Variants in ZNF469 observed in about 807,000 individuals in gnomAD.
ZNF469 encodes the protein zinc finger protein 469.
In ZNF469, 1 loss-of-function variant was observed where a neutral mutation model predicts 1.0. The ratio of observed to expected loss-of-function variants is 1.00; its 90% CI spans 0.35 to 4.73. The LOEUF is 4.73. Ranked by LOEUF, ZNF469 falls within the 30% of genes most tolerant of loss-of-function variation. ZNF469 has a pLI of 0.16. For synonymous variants in ZNF469, 2,703 were observed against 2,363.4 expected (o/e 1.14, Z -4.17); for missense variants, 6,100 against 5,356.3 (o/e 1.14, Z -4.33).
the ZNF469 span, among the ~76,000 whole-genome samples, chr16:88,292,057 G>A: frequency 1.3e-5 from 2 of 152,224 alleles, no homozygotes; most frequent in East Asian, 1.9e-4. Flanking sequence ...GGAGTCTGGA[G>A]AACATGAAGT....
chr16:88,383,951 A>G (rs1292320179), intron 1 of ZNF469, among the ~76,000 whole-genome samples: 1 of 152,010 alleles, frequency 6.6e-6, no homozygotes, highest in Non-Finnish European at 1.5e-5. Flanking sequence ...AGGGAAGGCC[A>G]ATGGGGCTCG....
rs892261030 is a variant in ZNF469 at position 88,416,244 on chromosome 16, G to A, written c.-191-8563G>A. On this transcript the variant is annotated intron_variant, in intron 1 of 2. Coordinates refer to ENST00000565624, the MANE Select transcript of ZNF469 (RefSeq NM_001367624.2). ...GGTTTCTCATGCAGAGACCTCACTCGAGGTGGGATGGGCTCCGTTCCCAAA... is the reference window on the plus strand; with the variant it reads ...GGTTTCTCATGCAGAGACCTCACTCAAGGTGGGATGGGCTCCGTTCCCAAA... Among the ~76,000 whole-genome samples, 3 of 152,118 alleles carry A rather than the reference G, an allele frequency of 2.0e-5. No individual in the cohort carries two copies. The South Asian group carries it at 6.2e-4, about 32-fold the overall frequency.
the ZNF469 span, among the ~76,000 whole-genome samples, chr16:88,362,622 G>A: frequency 6.6e-6 from 1 of 152,018 alleles, no homozygotes; most frequent in Admixed American, 6.5e-5. Context: ...TGGTAATTTG[G>A]ATCATTATTC....
At chr16:88,188,051 T>G in the ZNF469 span, among the ~76,000 whole-genome samples, 1 of 152,052 alleles carries the variant, frequency 6.6e-6, no homozygotes, top group African/African-American at 2.4e-5. Flanking sequence ...ATCTCCACTT[T>G]GGAGCTCAGG....
the ZNF469 span, among the ~76,000 whole-genome samples, chr16:88,211,322 C>A: frequency 3.9e-4 from 59 of 152,288 alleles, no homozygotes; most frequent in African/African-American, 1.3e-3. Context: ...AGCCTTAGTA[C>A]AGGGAGGTGA....
chr16:88,263,163 C>T, the ZNF469 span, among the ~76,000 whole-genome samples: 2 of 152,184 alleles, frequency 1.3e-5, no homozygotes, highest in African/African-American at 4.8e-5. Flanking sequence ...CTGTCCAACC[C>T]CGGGGTTTAC....
intron 1 of ZNF469, among the ~76,000 whole-genome samples, chr16:88,411,459 A>AGCGGGCAGGG (rs1567504047): frequency 1.6e-4 from 9 of 57,030 alleles, no homozygotes; most frequent in African/African-American, 4.7e-4. Flanking sequence ...CAGGGGTGCG[A>AGCGGGCAGGG]GTGGGCAGGG....
At chr16:88,418,803 C>G (rs1268375518) in intron 1 of ZNF469, among the ~76,000 whole-genome samples, 1 of 152,242 alleles carries the variant, frequency 6.6e-6, no homozygotes, top group East Asian at 1.9e-4. Flanking sequence ...AAAGGTTTAT[C>G]TGAGCACTCA....
At chr16:88,216,742 C>G in the ZNF469 span, among the ~76,000 whole-genome samples, 1,573 of 152,294 alleles carry the variant, frequency 0.01, 23 homozygotes, top group African/African-American at 0.035. Context: ...CATACCTTAC[C>G]TCTTCTCCAG....
Position 88,432,708 on chromosome 16 carries a change from A to G in ZNF469, c.5238A>G (p.Glu1746=), listed in dbSNP as rs1035317456. ...TAGCAAAGTGCAGCCCCGACCAGGA[A>G]CTTTCATTTCCTAAGAATAAGGAGG... ...GSLAKCSPDQ[E]LSFPKNKEAA... Residue 1746 remains glutamate, a synonymous_variant, in exon 3 of 3, where the codon GAA becomes GAG. Transcript: ENST00000565624. 42 of 1,550,298 alleles carry G rather than the reference A, an allele frequency of 2.7e-5. No individual in the cohort carries two copies. In the Admixed American group the frequency reaches 7.8e-4, roughly 29 times the overall value.
chr16:88,166,898 T>C, the ZNF469 span, among the ~76,000 whole-genome samples: 1 of 152,002 alleles, frequency 6.6e-6, no homozygotes, highest in African/African-American at 2.4e-5. The surrounding 1 kb of genome is among the most constrained non-coding windows in gnomAD (Gnocchi z 4.5). Flanking sequence ...TGTAAAATCA[T>C]TTCTATATGT....
chr16:88,187,857 G>A, the ZNF469 span, among the ~76,000 whole-genome samples: 1 of 151,922 alleles, frequency 6.6e-6, no homozygotes, highest in Admixed American at 6.6e-5. Context: ...TGGAGTGTCT[G>A]AAATCACATT....
chr16:88,225,783 C>G, the ZNF469 span, among the ~76,000 whole-genome samples: 2 of 152,242 alleles, frequency 1.3e-5, no homozygotes, highest in Admixed American at 1.3e-4. Flanking sequence ...CCTCCCCACA[C>G]ACGGACCTGC....
At chr16:88,331,379 A>T in the ZNF469 span, among the ~76,000 whole-genome samples, 7 of 143,236 alleles carry the variant, frequency 4.9e-5, no homozygotes, top group African/African-American at 1.8e-4. Flanking sequence ...TCATCATCAT[A>T]TCACCATCAC....
chr16:88,430,227 A>G lies in ZNF469; in HGVS notation c.2757A>G (p.Pro919=). The G allele has an allele frequency of 6.5e-7, 1 of 1,535,576 alleles. No individual in the cohort carries two copies. Among genetic ancestry groups the G allele is most frequent in the Non-Finnish European group, 8.8e-7 (1 of 1,139,624 alleles). The change falls in exon 3 of 3, where the codon CCA becomes CCG. Residue 919 remains proline, a synonymous_variant. Transcript: ENST00000565624. ...CCCGCCCTGGGGACAGGGGCTGCCC[A>G]GCCCGAGGCAGGCCCAAAACGCGTT... is the stretch of plus-strand genomic sequence containing the variant. ...QTPRPGDRGC[P]ARGRPKTRSL... is the part of the protein sequence containing the mutation.
chr16:88,378,932 C>T (rs1013405510), upstream of ZNF469, among the ~76,000 whole-genome samples: 18 of 152,212 alleles, frequency 1.2e-4, no homozygotes, highest in Admixed American at 1.0e-3. Flanking sequence ...CAGGCGTGGG[C>T]CCACACGTGG....
At chr16:88,426,580 G>C (rs565998139) in intron 2 of ZNF469, among the ~76,000 whole-genome samples, 2 of 152,270 alleles carry the variant, frequency 1.3e-5, no homozygotes, top group Admixed American at 1.3e-4. Context: ...AATGGGAGCC[G>C]GCACCGTCTG....
the ZNF469 span, among the ~76,000 whole-genome samples, chr16:88,271,532 A>C: frequency 7.1e-6 from 1 of 140,316 alleles, no homozygotes; most frequent in South Asian, 2.2e-4. Context: ...CGTGGAAAGG[A>C]AGCTGCCTGA....
chr16:88,169,351 A>G, the ZNF469 span, among the ~76,000 whole-genome samples: 151,715 of 152,294 alleles, frequency 1, 75,573 homozygotes, highest in East Asian at 1. This position sits in a 1 kb window ranked among gnomAD's most constrained non-coding sequence, Gnocchi z 6.1. Flanking sequence ...AGGATGTTCT[A>G]TCACTCCCCC....
Sources: allele counts gnomAD v4.1 joint callset (sites outside exome capture counted in the v4.1 genomes callset), GRCh38; gene constraint gnomAD v4.1.1; non-coding constraint Gnocchi (gnomAD v3.1); transcripts MANE v1.5; gene names NCBI Gene and HGNC (gene_info 2026-07-23, HGNC 2026-07-21).